PCDHGA5: variants seen among roughly 807,000 people sequenced by gnomAD.
The protein encoded by PCDHGA5 is protocadherin gamma-A5.
Under a neutral mutation model 56.7 loss-of-function variants are expected in PCDHGA5, and 36 were observed. That is an observed-to-expected ratio of 0.64 (90% CI 0.49 to 0.84). The LOEUF is 0.84. Ranked by LOEUF, PCDHGA5 falls within the 40% of genes least tolerant of loss-of-function variation. PCDHGA5 has a pLI of 0.00. For synonymous variants in PCDHGA5, 563 were observed against 520.2 expected, an observed-to-expected ratio of 1.08 and a Z score of -1.12; for missense variants, 1,305 against 1,201.5, an observed-to-expected ratio of 1.09 and a Z score of -1.27.
intron 1 of PCDHGA5, chr5:141,392,725 A>G: frequency 7.1e-7 from 1 of 1,399,540 alleles, no homozygotes; most frequent in South Asian, 1.6e-5. Flanking sequence ...TTTCCGGAGG[A>G]TTGTCATCTC....
At chr5:141,375,485 G>C (rs1478417043) in intron 1 of PCDHGA5, 1 of 1,613,678 alleles carries the variant, frequency 6.2e-7, no homozygotes, top group African/African-American at 1.3e-5. Flanking sequence ...CAACCCCAGG[G>C]GTGCCTCCAT....
chr5:141,418,606 T>A (rs1279991875), intron 1 of PCDHGA5: 1 of 1,614,030 alleles, frequency 6.2e-7, no homozygotes. Context: ...TGTACAGGGT[T>A]AGCCTTCGGG....
intron 1 of PCDHGA5, chr5:141,403,454 C>T: frequency 6.2e-7 from 1 of 1,614,054 alleles, no homozygotes; most frequent in Non-Finnish European, 8.5e-7. Context: ...GAACTCCCTC[C>T]AGAGCTACCA....
chr5:141,368,929 T>C (rs1183733565), intron 1 of PCDHGA5, among the ~76,000 whole-genome samples: 1 of 152,228 alleles, frequency 6.6e-6, no homozygotes, highest in Non-Finnish European at 1.5e-5. Context: ...AGTGTCTGTC[T>C]AGAATTCTGG....
At chr5:141,482,048 G>T (rs375214441) in intron 1 of PCDHGA5, among the ~76,000 whole-genome samples, 12 of 150,156 alleles carry the variant, frequency 8.0e-5, no homozygotes, top group Middle Eastern at 6.9e-3. Flanking sequence ...TCATGCTGTT[G>T]CATTCCAGCC....
In PCDHGA5 at chr5:141,476,659, G is replaced by A; in HGVS notation, c.2422-18148G>A. On this transcript the variant is annotated intron_variant, in intron 1 of 3. Coordinates refer to ENST00000518069, the MANE Select transcript of PCDHGA5 (RefSeq NM_018918.3). The surrounding 1 kb of genome is among the most constrained non-coding windows in gnomAD (Gnocchi z 7.6). ...AGCTGAGCCGAAATGAATACTTTGC[G>A]CTTCGCGTGCAGACGCGGGAGGACA... 2 of 1,614,252 alleles carry A rather than the reference G, an allele frequency of 1.2e-6. No homozygotes were observed. Among genetic ancestry groups the A allele is most frequent in the Non-Finnish European group, 8.5e-7 (1 of 1,180,048 alleles).
chr5:141,369,156 A>C lies in PCDHGA5; in HGVS notation c.2421+2405A>C, dbSNP rs534244995. ...CATGGAAAATGGCATGTTATTGACC[A>C]GGGAAAAGTGTAAATAACAAAAAGT... On this transcript the variant is annotated intron_variant, in intron 1 of 3. Coordinates refer to ENST00000518069, the MANE Select transcript of PCDHGA5 (RefSeq NM_018918.3). Among the ~76,000 whole-genome samples the C allele has an allele frequency of 1.4e-3, 215 of 152,354 alleles. 2 individuals carry two copies. Among genetic ancestry groups the C allele is most frequent in the Non-Finnish European group, 4.6e-4 (31 of 68,032 alleles).
rs138031063 is a variant in PCDHGA5 at position 141,447,985 on chromosome 5, C to T, written c.2422-46822C>T. Among the ~76,000 whole-genome samples the T allele has an allele frequency of 3.9e-3, 591 of 152,010 alleles. 6 individuals are homozygous for T. The highest frequency in any genetic ancestry group is 0.011 in the Admixed American group (170 of 15,260). On this transcript the variant is annotated intron_variant, in intron 1 of 3. Transcript: ENST00000518069. ...CCTATAATCCCAGCTACTCGGGAGG[C>T]TGAGGCATGAGAATCGCTTGAACCC...
rs1763546634 is a variant in PCDHGA5 at position 141,364,803 on chromosome 5, G to A, written c.473G>A (p.Arg158Gln). 6.2e-7 allele frequency: 1 copy of A among 1,614,002 alleles called. No individual in the cohort carries two copies. Among genetic ancestry groups the A allele is most frequent in the Non-Finnish European group, 8.5e-7 (1 of 1,179,892 alleles). Reference protein sequence around the residue: ...AGTRLVLPFARDADVGVNSLR... With the variant: ...AGTRLVLPFAQDADVGVNSLR... ...ACACGGTTAGTGCTTCCCTTCGCGC[G>A]GGATGCGGATGTGGGTGTGAACTCT... Residue 158 changes from arginine to glutamine, a missense_variant, in exon 1 of 4, where the codon CGG becomes CAG. Arg to Gln is a conservative substitution (Grantham distance 43). Coordinates refer to ENST00000518069, the MANE Select transcript of PCDHGA5 (RefSeq NM_018918.3).
At chr5:141,433,195 T>C (rs765385329) in intron 1 of PCDHGA5, 8 of 1,582,476 alleles carry the variant, frequency 5.1e-6, no homozygotes, top group Non-Finnish European at 6.9e-6. Flanking sequence ...TGAGTTTATA[T>C]CAAATCTTCT....
chr5:141,427,766 G>A lies in PCDHGA5; in HGVS notation c.2421+61015G>A, dbSNP rs549550151. The A allele has an allele frequency of 1.1e-4, 152 of 1,386,456 alleles. No homozygotes were observed. In the African/African-American group the frequency reaches 1.8e-3, roughly 17 times the overall value. The allele number at this position is 1,386,456 out of a possible 1,614,324, so 85.9% of individuals were successfully genotyped here. ...CCTACTCCATCGTTACCACTGACTT[G>A]GAGCTGCGGGCACTGTCGTCCTACG... On this transcript the variant is annotated intron_variant, in intron 1 of 3. Transcript: ENST00000518069.
rs775122106 is a variant in PCDHGA5 at position 141,410,519 on chromosome 5, C to CT, written c.2421+43769dup. On this transcript the variant is annotated intron_variant, in intron 1 of 3. Coordinates refer to ENST00000518069, the MANE Select transcript of PCDHGA5 (RefSeq NM_018918.3). ...TAATTTCCTAAAATGCAGTGTGCCCCTACATTCCAATGAAGACATGGTTTG... is the reference window on the plus strand; with the variant it reads ...TAATTTCCTAAAATGCAGTGTGCCCCTTACATTCCAATGAAGACATGGTTTG... 5.9e-5 allele frequency: 95 copies of CT among 1,613,978 alleles called. 1 individual carries two copies. In the South Asian group the frequency reaches 1.0e-3, roughly 17 times the overall value.
At position 141,486,001 on chromosome 5, in the gene PCDHGA5, C is replaced by G. The variant is rs771993915; in HGVS notation, c.2422-8806C>G. 6.2e-7 allele frequency: 1 copy of G among 1,614,194 alleles called. No homozygotes were observed. Among genetic ancestry groups the G allele is most frequent in the Non-Finnish European group, 8.5e-7 (1 of 1,180,024 alleles). On this transcript the variant is annotated intron_variant, in intron 1 of 3. Transcript: ENST00000518069. The surrounding 1 kb of genome is among the most constrained non-coding windows in gnomAD (Gnocchi z 5.0). ...ACCCGGACCTGGGTCCCAGTGGTAACGTCACCTTTTATTTCAGTGGTCATA... is the reference window on the plus strand; with the variant it reads ...ACCCGGACCTGGGTCCCAGTGGTAAGGTCACCTTTTATTTCAGTGGTCATA...
chr5:141,388,842 A>G (rs1399936260), intron 1 of PCDHGA5: 1 of 1,614,014 alleles, frequency 6.2e-7, no homozygotes, highest in Non-Finnish European at 8.5e-7. Flanking sequence ...TTTGGAAGCA[A>G]GGGACGGTGG....
intron 1 of PCDHGA5, chr5:141,418,442 G>C: frequency 6.2e-7 from 1 of 1,614,010 alleles, no homozygotes; most frequent in Non-Finnish European, 8.5e-7. Flanking sequence ...TCCAGAATTA[G>C]TATTGCAGAA....
At chr5:141,400,799 G>A in intron 1 of PCDHGA5, 1 of 553,494 alleles carries the variant, frequency 1.8e-6, no homozygotes, top group Non-Finnish European at 3.2e-6. Context: ...CTTTCTCAAA[G>A]CTAATGAATT....
In PCDHGA5 at chr5:141,431,770, T is replaced by G. The variant is rs748816389; in HGVS notation, c.2422-63037T>G. The G allele has an allele frequency of 3.7e-6, 6 of 1,614,204 alleles. No homozygotes were observed. In the South Asian group the frequency reaches 6.6e-5, roughly 18 times the overall value. ...CGCGAGCCAAAGTCCTGATCACTGT[T>G]CTGGACGTGAACGACAATGCCCCAG... On this transcript the variant is annotated intron_variant, in intron 1 of 3. Coordinates refer to ENST00000518069, the MANE Select transcript of PCDHGA5 (RefSeq NM_018918.3). The surrounding 1 kb of genome is among the most constrained non-coding windows in gnomAD (Gnocchi z 4.8).
In PCDHGA5 at chr5:141,366,445, G is replaced by C. The variant is rs368468540; in HGVS notation, c.2115G>C (p.Leu705=). 6.2e-6 allele frequency: 10 copies of C among 1,614,084 alleles called. No homozygotes were observed. The highest frequency in any genetic ancestry group is 8.5e-6 in the Non-Finnish European group (10 of 1,180,058). Residue 705 remains leucine, a synonymous_variant, in exon 1 of 4, where the codon CTG becomes CTC. Coordinates refer to ENST00000518069, the MANE Select transcript of PCDHGA5 (RefSeq NM_018918.3). ...TGGCTGCAGTCTCCTGCGTCTTCCT[G>C]GCCTTCGTCATCGTGCTGCTGGTGC... is the stretch of plus-strand genomic sequence containing the variant. ...VAVAAVSCVF[L]AFVIVLLVLR...
intron 1 of PCDHGA5, among the ~76,000 whole-genome samples, chr5:141,447,744 T>G (rs1020767891): frequency 3.4e-4 from 51 of 152,206 alleles, no homozygotes; most frequent in African/African-American, 1.2e-3. Context: ...CTTAAGAGTC[T>G]TGCATGTGAC....
Sources: gnomAD v4.1 joint callset for allele counts (sites outside exome capture counted in the v4.1 genomes callset) on GRCh38, gnomAD v4.1.1 for gene constraint, Gnocchi (gnomAD v3.1) non-coding constraint, MANE v1.5 for transcripts, NCBI Gene and HGNC (gene_info 2026-07-23, HGNC 2026-07-21) for gene names.